The following SLC44A3 variants were observed in gnomAD, a reference collection of about 807,000 sequenced individuals.
The protein encoded by SLC44A3 is choline transporter-like protein 3.
Under a neutral mutation model 75.4 loss-of-function variants are expected in SLC44A3, and 74 were observed. That is an observed-to-expected ratio of 0.98 (90% CI 0.81 to 1.19). The LOEUF (loss-of-function observed/expected upper bound fraction) is 1.19, where lower values mean the gene tolerates loss of function less well. SLC44A3 is among the 50% of genes most tolerant of loss of function. The pLI, the probability that SLC44A3 is intolerant of heterozygous loss-of-function variation, is 0.00. For synonymous variants in SLC44A3, 310 were observed against 296.9 expected, an observed-to-expected ratio of 1.04 and a Z score of -0.45; for missense variants, 700 against 778.6, an observed-to-expected ratio of 0.90 and a Z score of 1.20.
chr1:94,863,332 C>G (rs1447829115), intron 10 of SLC44A3, among the ~76,000 whole-genome samples: 1 of 152,154 alleles, frequency 6.6e-6, no homozygotes, highest in East Asian at 1.9e-4. Flanking sequence ...ACAGTGAAAC[C>G]TCAGAAAGCT....
Position 94,820,474 on chromosome 1 carries a change from A to T in SLC44A3, c.23A>T (p.Tyr8Phe). The change falls in exon 1 of 15, where the codon TAC becomes TTC. Residue 8 changes from tyrosine to phenylalanine, a missense_variant. Tyr to Phe is a conservative substitution (Grantham distance 22, BLOSUM62 3). Coordinates refer to ENST00000271227, the MANE Select transcript of SLC44A3 (RefSeq NM_001114106.3). ...ACGATGCACTGCCTGGGCGCCGAGT[A>T]CCTGGTAAGCGCTCGCAGCCTCGGC... is the stretch of plus-strand genomic sequence containing the variant. MHCLGAE[Y>F]LVSAEGAPRQ... is the part of the protein sequence containing the mutation. The T allele has an allele frequency of 1.3e-6, 2 of 1,495,926 alleles. No homozygotes were observed. Among genetic ancestry groups the T allele is most frequent in the Non-Finnish European group, 1.8e-6 (2 of 1,126,322 alleles). 92.7% of individuals were successfully genotyped at this position (1,495,926 alleles called of 1,614,324 possible). A position where few individuals can be genotyped will look rare whatever the true frequency, so the allele number is the denominator to read the frequency against.
At chr1:94,894,702 G>GT (rs1304360673) in intron 14 of SLC44A3, 116 bp from the exon 15 acceptor site, 16 of 771,350 alleles carry the variant, frequency 2.1e-5, no homozygotes, top group African/African-American at 3.5e-5. Context: ...TCTGCCTTTT[G>GT]TAAGTTAATT....
chr1:94,859,774 C>T (rs1056718680), intron 10 of SLC44A3, among the ~76,000 whole-genome samples: 1 of 152,142 alleles, frequency 6.6e-6, no homozygotes, highest in African/African-American at 2.4e-5. Context: ...AATGAGGTCC[C>T]CCACATACAC....
intron 12 of SLC44A3, 126 bp from the exon 13 acceptor site, chr1:94,891,004 G>A: frequency 1.5e-6 from 1 of 688,978 alleles, no homozygotes; most frequent in Non-Finnish European, 2.3e-6. Context: ...TTTGAAAATG[G>A]TATTTGTTAT....
chr1:94,860,252 C>G lies in SLC44A3; in HGVS notation c.1238+2752C>G, dbSNP rs561020289. 6.6e-5 allele frequency among the ~76,000 whole-genome samples: 10 copies of G among 152,206 alleles called. No homozygotes were observed. The East Asian group carries it at 1.9e-3, about 29-fold the overall frequency. On this transcript the variant is annotated intron_variant, in intron 10 of 14. Coordinates refer to ENST00000271227, the MANE Select transcript of SLC44A3 (RefSeq NM_001114106.3). ...AGAAGGGCATAGTGAGAAAACAAGA[C>G]TCTTGAGTAATTAAAAGTATGATTA...
intron 3 of SLC44A3, chr1:94,825,793 G>A (rs148030769): frequency 8.8e-6 from 4 of 455,900 alleles, no homozygotes; most frequent in African/African-American, 6.0e-5. Context: ...CTCTTTCTGG[G>A]CATGGACTAA....
chr1:94,881,430 C>G (rs933945568), intron 12 of SLC44A3, among the ~76,000 whole-genome samples: 49 of 152,316 alleles, frequency 3.2e-4, no homozygotes, highest in Admixed American at 9.2e-4. Context: ...ATCGGCCAGG[C>G]GCGGTGGCTG....
At chr1:94,839,665 A>T (rs560137774) in intron 6 of SLC44A3, among the ~76,000 whole-genome samples, 2 of 152,316 alleles carry the variant, frequency 1.3e-5, no homozygotes, top group Non-Finnish European at 2.9e-5. Context: ...CTGGGATTAT[A>T]GGTGTGAGGC....
In SLC44A3 at chr1:94,895,007, T is replaced by C. The variant is rs1290061002; in HGVS notation, c.*85T>C. ...AGAAGATGAGACCACTAGAGAAAAG[T>C]TAGTGAATTTTTTTTTAAAAGACCT... is the stretch of plus-strand genomic sequence containing the variant. On this transcript the variant is annotated 3_prime_UTR_variant, in exon 15 of 15. Transcript: ENST00000271227. 9.4e-7 allele frequency: 1 copy of C among 1,066,538 alleles called. No individual in the cohort carries two copies. Among genetic ancestry groups the C allele is most frequent in the African/African-American group, 1.6e-5 (1 of 62,032 alleles). 66.1% of individuals were successfully genotyped at this position (1,066,538 alleles called of 1,614,324 possible).
At position 94,845,479 on chromosome 1, in the gene SLC44A3, G is replaced by A. The variant is rs1296281913; in HGVS notation, c.1072+15G>A. On this transcript the variant is annotated intron_variant, in intron 9 of 14. Coordinates refer to ENST00000271227, the MANE Select transcript of SLC44A3 (RefSeq NM_001114106.3). ...GGGAACTGCAGGTAAGGGACAGTGG[G>A]TGTGGGTTCCATCACCTTGGAGTCA... 3 of 1,598,512 alleles carry A rather than the reference G, an allele frequency of 1.9e-6. No individual in the cohort carries two copies. The highest frequency in any genetic ancestry group is 3.4e-5 in the Admixed American group (2 of 58,348).
At position 94,895,159 on chromosome 1, in the gene SLC44A3, T is replaced by A. The variant is rs151242396; in HGVS notation, c.*237T>A. 4.5e-5 allele frequency: 18 copies of A among 401,666 alleles called. No homozygotes were observed. The East Asian group carries it at 6.9e-4, about 15-fold the overall frequency. The allele number at this position is 401,666 out of a possible 1,614,324, so 24.9% of individuals were successfully genotyped here. ...AAAAACTCTTCTAAAACCATGTTTATATGCATCAACTTACAAAGTACACTA... is the reference window on the plus strand; with the variant it reads ...AAAAACTCTTCTAAAACCATGTTTAAATGCATCAACTTACAAAGTACACTA... On this transcript the variant is annotated 3_prime_UTR_variant, in exon 15 of 15. Transcript: ENST00000271227.
At chr1:94,875,104 T>C (rs1668138674) in intron 12 of SLC44A3, among the ~76,000 whole-genome samples, 3 of 152,174 alleles carry the variant, frequency 2.0e-5, no homozygotes, top group African/African-American at 7.2e-5. Context: ...TGAGAAAGGA[T>C]GTTCCTGGTG....
intron 8 of SLC44A3, among the ~76,000 whole-genome samples, chr1:94,843,874 G>A (rs542143924): frequency 3.9e-5 from 6 of 151,906 alleles, no homozygotes; most frequent in South Asian, 2.1e-4. Flanking sequence ...GAGGTGGGGC[G>A]GGGTGGGGGG....
At chr1:94,836,902 A>T (rs1434466617) in intron 5 of SLC44A3, 1 of 125,374 alleles carries the variant, frequency 8.0e-6, no homozygotes, top group Non-Finnish European at 1.7e-5. Flanking sequence ...CAAAGGCAGA[A>T]CCTGTCTCAA....
chr1:94,833,888 G>C (rs1662449807), intron 5 of SLC44A3, among the ~76,000 whole-genome samples: 1 of 152,120 alleles, frequency 6.6e-6, no homozygotes. Context: ...TCTTAGGATA[G>C]TGTGTAGAGG....
intron 9 of SLC44A3, among the ~76,000 whole-genome samples, chr1:94,854,047 T>G (rs988323696): frequency 2.0e-5 from 3 of 152,174 alleles, no homozygotes; most frequent in Non-Finnish European, 4.4e-5. Context: ...GCACTTACTA[T>G]TCTAAGAGCC....
At chr1:94,878,560 A>G (rs1295176488) in intron 12 of SLC44A3, among the ~76,000 whole-genome samples, 1 of 152,232 alleles carries the variant, frequency 6.6e-6, no homozygotes, top group Non-Finnish European at 1.5e-5. Flanking sequence ...CACACTTAGA[A>G]CTGACTACAA....
At chr1:94,865,025 C>T in intron 11 of SLC44A3, 126 bp downstream of exon 11, 1 of 909,356 alleles carries the variant, frequency 1.1e-6, no homozygotes, top group South Asian at 1.8e-5. Context: ...CAGAAAGCTC[C>T]TGCACTCCTC....
In SLC44A3 at chr1:94,845,264, C is replaced by T; in HGVS notation, c.886-14C>T. On this transcript the variant is annotated splice_polypyrimidine_tract_variant and intron_variant, in intron 8 of 14. Transcript: ENST00000271227. ...TTATTTGGAAGTAATTTACTCAAAT[C>T]CCTTTCTCACCAGGCAGTGCTGCTC... The T allele has an allele frequency of 6.3e-7, 1 of 1,581,730 alleles. No homozygotes were observed. The highest frequency in any genetic ancestry group is 8.6e-7 in the Non-Finnish European group (1 of 1,164,604).
Sources: gnomAD v4.1 joint callset for allele counts (sites outside exome capture counted in the v4.1 genomes callset) on GRCh38, gnomAD v4.1.1 for gene constraint, MANE v1.5 for transcripts, NCBI Gene and HGNC (gene_info 2026-07-23, HGNC 2026-07-21) for gene names.